The following OSBPL10 variants were observed in gnomAD, a reference collection of about 807,000 sequenced individuals.
OSBPL10 encodes the protein oxysterol-binding protein-related protein 10.
Under a neutral mutation model 81.7 loss-of-function variants are expected in OSBPL10, and 49 were observed. The ratio of observed to expected loss-of-function variants is 0.60; its 90% confidence interval spans 0.48 to 0.76. OSBPL10 has a LOEUF of 0.76. OSBPL10 is among the 30% of genes least tolerant of loss of function. OSBPL10 has a pLI of 0.00. For synonymous variants in OSBPL10, 419 were observed against 383.6 expected (o/e 1.09, Z -1.08); for missense variants, 923 against 987.8 (o/e 0.93, Z 0.88).
intron 1 of OSBPL10, among the ~76,000 whole-genome samples, chr3:31,947,707 C>T (rs552457106): frequency 9.9e-5 from 15 of 152,266 alleles, no homozygotes; most frequent in South Asian, 2.1e-4. Context: ...ACACTCCACA[C>T]GCTGAGCACA....
At chr3:31,753,090 T>C (rs1004531170) in intron 4 of OSBPL10, among the ~76,000 whole-genome samples, 5 of 152,150 alleles carry the variant, frequency 3.3e-5, no homozygotes, top group African/African-American at 9.7e-5. Flanking sequence ...CCCTGCTAAG[T>C]TCCCCTCTGA....
intron 4 of OSBPL10, among the ~76,000 whole-genome samples, chr3:31,823,801 C>T (rs1263626292): frequency 6.6e-6 from 1 of 151,774 alleles, no homozygotes; most frequent in Admixed American, 6.6e-5. Context: ...CATTTCGAAG[C>T]TCATTTTGAC....
At chr3:31,811,386 G>A in intron 4 of OSBPL10, among the ~76,000 whole-genome samples, 1 of 152,202 alleles carries the variant, frequency 6.6e-6, no homozygotes, top group East Asian at 1.9e-4. Flanking sequence ...CTCCGACTGT[G>A]CCCCATGTGC....
At chr3:31,747,640 A>T (rs555297839) in intron 5 of OSBPL10, among the ~76,000 whole-genome samples, 1 of 152,334 alleles carries the variant, frequency 6.6e-6, no homozygotes, top group South Asian at 2.1e-4. Flanking sequence ...TTACATTTTT[A>T]ACTTCTAAAA....
At chr3:31,809,889 G>C (rs1045278833) in intron 4 of OSBPL10, among the ~76,000 whole-genome samples, 1 of 25,322 alleles carries the variant, frequency 3.9e-5, no homozygotes, top group South Asian at 1.6e-3. Flanking sequence ...TTTTTTTTTT[G>C]AGATGGAGTT....
intron 2 of OSBPL10, among the ~76,000 whole-genome samples, chr3:32,005,019 A>G (rs1407531351): frequency 6.6e-6 from 1 of 152,206 alleles, no homozygotes; most frequent in African/African-American, 2.4e-5. Context: ...CAGAAGTGGT[A>G]TCACACCGTA....
chr3:31,956,943 G>C (rs1272409589), intron 1 of OSBPL10, among the ~76,000 whole-genome samples: 4 of 151,562 alleles, frequency 2.6e-5, no homozygotes, highest in Admixed American at 6.6e-5. Flanking sequence ...GACCAGCCTG[G>C]GCAACATGGT....
chr3:31,850,062 G>C (rs941415254), intron 3 of OSBPL10, among the ~76,000 whole-genome samples: 1 of 152,190 alleles, frequency 6.6e-6, no homozygotes, highest in Non-Finnish European at 1.5e-5. Context: ...CTACTCGGGA[G>C]GCTGAGGCAG....
In OSBPL10 at chr3:31,797,691, T is replaced by C. The variant is rs1030268507; in HGVS notation, c.729+32349A>G. On this transcript the variant is annotated intron_variant, in intron 4 of 11. Transcript: ENST00000396556. ...AGGGTACATTAAAATACACACACAGTTTTTTTATATGTACCATGATATAAG... is the reference window on the plus strand; with the variant it reads ...AGGGTACATTAAAATACACACACAGCTTTTTTATATGTACCATGATATAAG... 2.5e-5 allele frequency: 10 copies of C among 405,970 alleles called. No homozygotes were observed. The Admixed American group carries it at 2.7e-4, about 11-fold the overall frequency. 25.1% of individuals were successfully genotyped at this position (405,970 alleles called of 1,614,324 possible).
intron 1 of OSBPL10, among the ~76,000 whole-genome samples, chr3:32,049,327 A>T (rs1418662811): frequency 6.6e-6 from 1 of 152,164 alleles, no homozygotes; most frequent in Non-Finnish European, 1.5e-5. Flanking sequence ...CTTGCTGGCA[A>T]CCATGAAGGG....
At chr3:31,674,215 C>T (rs924908190) in intron 8 of OSBPL10, among the ~76,000 whole-genome samples, 1 of 152,036 alleles carries the variant, frequency 6.6e-6, no homozygotes, top group South Asian at 2.1e-4. Flanking sequence ...TGAGTGAGTG[C>T]TCGCATTAGT....
intron 3 of OSBPL10, among the ~76,000 whole-genome samples, chr3:31,842,484 C>T (rs1700523760): frequency 6.6e-6 from 1 of 152,136 alleles, no homozygotes; most frequent in African/African-American, 2.4e-5. Context: ...CAGGGTGATC[C>T]TTACAGGAAA....
chr3:31,867,883 T>A (rs1256787521), intron 3 of OSBPL10, among the ~76,000 whole-genome samples: 1 of 151,970 alleles, frequency 6.6e-6, no homozygotes, highest in African/African-American at 2.4e-5. Context: ...ATCCCAGAAA[T>A]GTTCTAAGAA....
intron 1 of OSBPL10, among the ~76,000 whole-genome samples, chr3:31,894,840 T>C (rs1696005766): frequency 6.6e-6 from 1 of 152,220 alleles, no homozygotes. Context: ...CAACATGCTA[T>C]GCCGGAATAT....
intron 3 of OSBPL10, among the ~76,000 whole-genome samples, chr3:31,874,242 A>C (rs551089962): frequency 6.6e-6 from 1 of 152,192 alleles, no homozygotes; most frequent in African/African-American, 2.4e-5. Flanking sequence ...TTCCAGATGA[A>C]TCAGTGATTT....
chr3:31,742,255 G>A (rs116587173), intron 5 of OSBPL10, among the ~76,000 whole-genome samples: 3,244 of 152,224 alleles, frequency 0.021, 44 homozygotes, highest in Non-Finnish European at 0.032. Context: ...GTAAAGTACC[G>A]CAAAAGGAAG....
chr3:31,838,171 T>G (rs1054421452), intron 3 of OSBPL10, among the ~76,000 whole-genome samples: 2 of 152,174 alleles, frequency 1.3e-5, no homozygotes, highest in Non-Finnish European at 2.9e-5. Flanking sequence ...TACATATATG[T>G]GCATATTACG....
chr3:31,994,744 A>G (rs955237687), intron 2 of OSBPL10, among the ~76,000 whole-genome samples: 1 of 152,220 alleles, frequency 6.6e-6, no homozygotes. Flanking sequence ...AGGAAGAAAC[A>G]GTCTAGATAT....
intron 2 of OSBPL10, among the ~76,000 whole-genome samples, chr3:32,007,489 C>A (rs1699214972): frequency 6.6e-6 from 1 of 152,096 alleles, no homozygotes; most frequent in African/African-American, 2.4e-5. Flanking sequence ...TCTGGAGGCT[C>A]AAAAAGAGAC....
Sources: allele counts gnomAD v4.1 joint callset (sites outside exome capture counted in the v4.1 genomes callset), GRCh38; gene constraint gnomAD v4.1.1; transcripts MANE v1.5; gene names NCBI Gene and HGNC (gene_info 2026-07-23, HGNC 2026-07-21).